The following COL5A1 variants were observed in gnomAD, a reference collection of about 807,000 sequenced individuals.
COL5A1 encodes collagen type V alpha 1 chain.
A neutral mutation model predicts 263.7 loss-of-function variants in COL5A1; 16 were observed. The ratio of observed to expected loss-of-function variants is 0.06; its 90% CI spans 0.04 to 0.09. COL5A1 has a LOEUF of 0.09. Among genes scored for constraint, COL5A1 ranks in the 10% least tolerant of loss-of-function variants. COL5A1 has a pLI of 1.00. For missense variants in COL5A1, 2,036 were observed against 2,540.5 expected, an observed-to-expected ratio of 0.80 and a Z score of 4.27; for synonymous variants, 1,012 against 1,004.5, an observed-to-expected ratio of 1.01 and a Z score of -0.14.
At chr9:134,695,896 A>G (rs1045283687) in intron 2 of COL5A1, among the ~76,000 whole-genome samples, 2 of 152,092 alleles carry the variant, frequency 1.3e-5, no homozygotes, top group Non-Finnish European at 2.9e-5. Flanking sequence ...TCCCACCCCA[A>G]TGTGGGACTG....
chr9:134,803,902 A>G (rs1003197098), intron 39 of COL5A1, among the ~76,000 whole-genome samples: 1 of 152,128 alleles, frequency 6.6e-6, no homozygotes, highest in Non-Finnish European at 1.5e-5. Context: ...AAAAGTGAAA[A>G]GCAAACGTGT....
rs1205133396 is a variant in COL5A1 at position 134,755,989 on chromosome 9, G to A, written c.1828-776G>A. Among the ~76,000 whole-genome samples the A allele has an allele frequency of 1.3e-5, 2 of 151,950 alleles. No individual in the cohort carries two copies. Among genetic ancestry groups the A allele is most frequent in the Non-Finnish European group, 2.9e-5 (2 of 67,992 alleles). ...CTATACTCGCTGGCTGGGGTGCCTC[G>A]TTGTGCAGGGTGGCAGCCCTCTGTT... On this transcript the variant is annotated intron_variant, in intron 16 of 65. Transcript: ENST00000371817. This position sits in a 1 kb window ranked among gnomAD's most constrained non-coding sequence, Gnocchi z 4.1.
rs1389473144 is a variant in COL5A1 at position 134,765,712 on chromosome 9, C to T, written c.2066C>T (p.Pro689Leu). The change falls in exon 21 of 66, where the codon CCC becomes CTC. Residue 689 changes from proline (P) to leucine (L), a missense_variant. Transcript: ENST00000371817. The surrounding 1 kb of genome is among the most constrained non-coding windows in gnomAD (Gnocchi z 5.1). ...CGTGGTCTGCTTGGGCCGAAGGGGC[C>T]CCCAGGTCCTCCCGGACCTCCCGTA... ...GPRGLLGPKG[P>L]PGPPGPPGVT... The T allele has an allele frequency of 3.1e-6, 5 of 1,613,488 alleles. No individual in the cohort carries two copies. The highest frequency in any genetic ancestry group is 1.7e-5 in the Admixed American group (1 of 59,944).
At chr9:134,781,482 C>T (rs1837254067) in intron 28 of COL5A1, among the ~76,000 whole-genome samples, 1 of 152,258 alleles carries the variant, frequency 6.6e-6, no homozygotes, top group Admixed American at 6.5e-5. Context: ...GGGAGGCTCC[C>T]TCACCTGAGG....
In COL5A1 at chr9:134,662,389, C is replaced by T. The variant is rs574468017; in HGVS notation, c.109+20093C>T. ...GTTTCCAGCCCAGTCCGGCTGCCTC[C>T]TTCTTTTCCACTTTGACTTTCCTAA... On this transcript the variant is annotated intron_variant, in intron 1 of 65. Coordinates refer to ENST00000371817, the MANE Select transcript of COL5A1 (RefSeq NM_000093.5). 6.6e-5 allele frequency among the ~76,000 whole-genome samples: 10 copies of T among 152,368 alleles called. No individual in the cohort carries two copies. In the East Asian group the frequency reaches 1.4e-3, roughly 21 times the overall value.
At chr9:134,654,610 A>AGGGCTGG (rs1831863162) in intron 1 of COL5A1, among the ~76,000 whole-genome samples, 2 of 12,486 alleles carry the variant, frequency 1.6e-4, no homozygotes, top group African/African-American at 3.6e-4. Flanking sequence ...TGTAGGGCTG[A>AGGGCTGG]GGGTGTGTAG....
chr9:134,820,218 G>A lies in COL5A1; in HGVS notation c.4549G>A (p.Glu1517Lys). ...GPQGSSGPKG[E>K]QGITGPSGPI... Reference sequence around the variant, plus strand: ...CCAGGGCTCCTCCGGTCCTAAGGGAGAACAGGTGCGTGAGATGGCACTTCT... The same window carrying A: ...CCAGGGCTCCTCCGGTCCTAAGGGAAAACAGGTGCGTGAGATGGCACTTCT... Residue 1517 changes from glutamate to lysine, a missense_variant, in exon 58 of 66, where the codon GAA (glutamate) becomes AAA (lysine). Coordinates refer to ENST00000371817, the MANE Select transcript of COL5A1 (RefSeq NM_000093.5). The A allele has an allele frequency of 6.2e-7, 1 of 1,612,986 alleles. No homozygotes were observed. Among genetic ancestry groups the A allele is most frequent in the Non-Finnish European group, 8.5e-7 (1 of 1,179,236 alleles).
chr9:134,805,104 G>A (rs1838249495), intron 40 of COL5A1, 40 bp downstream of exon 40: 1 of 1,613,452 alleles, frequency 6.2e-7, no homozygotes, highest in East Asian at 2.2e-5. Context: ...TGGGACAGGT[G>A]CAGCCCTGGA....
chr9:134,804,469 TTGTC>T (rs35434136), intron 39 of COL5A1, among the ~76,000 whole-genome samples: 5,699 of 152,328 alleles, frequency 0.037, 131 homozygotes, highest in Non-Finnish European at 0.056. Flanking sequence ...ATGGATTTCT[TTGTC>T]TGAGCACGGT....
chr9:134,815,513 G>A, intron 50 of COL5A1, 63 bp from the exon 51 acceptor site: 1 of 1,532,346 alleles, frequency 6.5e-7, no homozygotes, highest in Non-Finnish European at 9.0e-7. Flanking sequence ...GACATGATTG[G>A]CCGTGTGTGG....
chr9:134,759,916 C>CA (rs142181862), intron 18 of COL5A1, among the ~76,000 whole-genome samples: 2,101 of 104,296 alleles, frequency 0.02, 35 homozygotes, highest in East Asian at 0.062. Context: ...CACCCCCACA[C>CA]TCATACATGC....
In COL5A1 at chr9:134,754,928, G is replaced by A. The variant is rs144786798; in HGVS notation, c.1827+602G>A. Among the ~76,000 whole-genome samples, 718 of 152,250 alleles carry A rather than the reference G, an allele frequency of 4.7e-3. 5 individuals carry two copies. The highest frequency in any genetic ancestry group is 0.017 in the African/African-American group (703 of 41,534). ...CAACCAGCAGACCTTTCTGGTGAAC[G>A]AGAGAAATTTCGGTGCAGGGTTGGA... On this transcript the variant is annotated intron_variant, in intron 16 of 65. Coordinates refer to ENST00000371817, the MANE Select transcript of COL5A1 (RefSeq NM_000093.5). The surrounding 1 kb of genome is among the most constrained non-coding windows in gnomAD (Gnocchi z 4.3).
chr9:134,833,031 G>A (rs1186726292), intron 64 of COL5A1, among the ~76,000 whole-genome samples: 3 of 152,236 alleles, frequency 2.0e-5, no homozygotes, highest in East Asian at 1.9e-4. Flanking sequence ...ACACCACCAC[G>A]AGGCAGCGGT....
intron 64 of COL5A1, among the ~76,000 whole-genome samples, chr9:134,831,823 T>C (rs1839641468): frequency 1.3e-5 from 2 of 152,312 alleles, no homozygotes; most frequent in Non-Finnish European, 2.9e-5. Context: ...CCACCTCTCG[T>C]CCTGTTCCAC....
chr9:134,775,334 C>T (rs1837013525), intron 27 of COL5A1, among the ~76,000 whole-genome samples: 1 of 152,278 alleles, frequency 6.6e-6, no homozygotes, highest in African/African-American at 2.4e-5. Context: ...AACATTTCTT[C>T]CCAGCCATTT....
Position 134,804,911 on chromosome 9 carries a change from CTG to C in COL5A1, c.3115-63_3115-62del, listed in dbSNP as rs1233585001. 2.8e-6 allele frequency: 4 copies of C among 1,432,478 alleles called. No individual in the cohort carries two copies. The African/African-American group carries it at 5.6e-5, about 20-fold the overall frequency. 88.7% of individuals were successfully genotyped at this position (1,432,478 alleles called of 1,614,324 possible). ...GAAGGCCCCAGCCCTTGGCTTCGCT[CTG>C]GGGCTGGTGAGAGGTCTGCGTCACT... On this transcript the variant is annotated intron_variant, in intron 39 of 65. Coordinates refer to ENST00000371817, the MANE Select transcript of COL5A1 (RefSeq NM_000093.5).
chr9:134,807,371 G>A (rs1838332674), intron 42 of COL5A1, among the ~76,000 whole-genome samples: 1 of 152,188 alleles, frequency 6.6e-6, no homozygotes, highest in Non-Finnish European at 1.5e-5. Flanking sequence ...TCGGCTCACT[G>A]TGACCTCCAC....
chr9:134,682,598 G>A lies in COL5A1; in HGVS notation c.110-8314G>A, dbSNP rs912164989. On this transcript the variant is annotated intron_variant, in intron 1 of 65. Transcript: ENST00000371817. This position sits in a 1 kb window ranked among gnomAD's most constrained non-coding sequence, Gnocchi z 5.1. Reference sequence around the variant, plus strand: ...TGCCCAGGAAGGGCGCAGGAATCCCGGAGGTCAGGCAGGTGGGCGAGTCAG... The same window carrying A: ...TGCCCAGGAAGGGCGCAGGAATCCCAGAGGTCAGGCAGGTGGGCGAGTCAG... Among the ~76,000 whole-genome samples the A allele has an allele frequency of 7.2e-5, 11 of 152,242 alleles. No individual in the cohort carries two copies. Among genetic ancestry groups the A allele is most frequent in the Non-Finnish European group, 1.0e-4 (7 of 68,042 alleles).
At chr9:134,660,789 A>G (rs1243171509) in intron 1 of COL5A1, among the ~76,000 whole-genome samples, 1 of 152,166 alleles carries the variant, frequency 6.6e-6, no homozygotes, top group African/African-American at 2.4e-5. Flanking sequence ...GCATCTAAGG[A>G]GGCACAGTTT....
Sources: allele counts gnomAD v4.1 joint callset (sites outside exome capture counted in the v4.1 genomes callset), GRCh38; gene constraint gnomAD v4.1.1; non-coding constraint Gnocchi (gnomAD v3.1); transcripts MANE v1.5; gene names NCBI Gene and HGNC (gene_info 2026-07-23, HGNC 2026-07-21).